Variants in GPC5 observed in about 807,000 individuals in gnomAD.
The protein encoded by GPC5 is glypican-5.
In GPC5, 47 loss-of-function variants were observed where a neutral mutation model predicts 53.9. The ratio of observed to expected loss-of-function variants is 0.87; its 90% confidence interval spans 0.69 to 1.11. The LOEUF (loss-of-function observed/expected upper bound fraction) is 1.11. Among genes scored for constraint, GPC5 ranks in the 50% most tolerant of loss-of-function variants. GPC5 has a pLI of 0.00. For synonymous variants in GPC5, 286 were observed against 263.3 expected, an observed-to-expected ratio of 1.09 and a Z score of -0.84; for missense variants, 748 against 713.1, an observed-to-expected ratio of 1.05 and a Z score of -0.56.
At chr13:92,074,714 T>A (rs542706184) in intron 6 of GPC5, among the ~76,000 whole-genome samples, 2 of 152,176 alleles carry the variant, frequency 1.3e-5, no homozygotes, top group Non-Finnish European at 2.9e-5. Flanking sequence ...TGCAGGAAGG[T>A]ATTTGTAACC....
chr13:92,242,909 TCTTA>T (rs973902171), intron 7 of GPC5, among the ~76,000 whole-genome samples: 4 of 152,210 alleles, frequency 2.6e-5, no homozygotes, highest in Admixed American at 2.0e-4. Flanking sequence ...GTGTCTAATT[TCTTA>T]CTATTATACA....
In GPC5 at chr13:91,715,708, A is replaced by G. The variant is rs73607092; in HGVS notation, c.1021-12824A>G. Among the ~76,000 whole-genome samples the G allele has an allele frequency of 5.3e-3, 785 of 149,400 alleles. 6 individuals carry two copies. The highest frequency in any genetic ancestry group is 0.018 in the African/African-American group (743 of 40,496). On this transcript the variant is annotated intron_variant, in intron 3 of 7. Coordinates refer to ENST00000377067, the MANE Select transcript of GPC5 (RefSeq NM_004466.6). ...ATTTAAATACCACACATGATACCTT[A>G]TCATTTTCAGTTTTTTGTTCATAAA...
intron 7 of GPC5, among the ~76,000 whole-genome samples, chr13:92,864,285 A>C (rs903744107): frequency 7.2e-5 from 11 of 152,150 alleles, no homozygotes; most frequent in African/African-American, 2.7e-4. Context: ...GTAACACCTT[A>C]ATGTAAGATG....
intron 2 of GPC5, among the ~76,000 whole-genome samples, chr13:91,481,141 A>T (rs547199687): frequency 6.6e-6 from 1 of 152,116 alleles, no homozygotes; most frequent in Non-Finnish European, 1.5e-5. Flanking sequence ...TCCTTAGACT[A>T]CATTTGTTTT....
intron 6 of GPC5, among the ~76,000 whole-genome samples, chr13:92,100,228 C>T (rs1020321082): frequency 1.3e-5 from 2 of 152,068 alleles, no homozygotes; most frequent in Non-Finnish European, 2.9e-5. Flanking sequence ...GATGGTGAAA[C>T]CCTGTCTCTC....
chr13:91,996,069 CA>C (rs1331728273), intron 6 of GPC5: 1 of 152,214 alleles, frequency 6.6e-6, no homozygotes, highest in Non-Finnish European at 1.5e-5. Context: ...TTTACAGACT[CA>C]GGGGCAAAAG....
intron 1 of GPC5, among the ~76,000 whole-genome samples, chr13:91,400,067 G>A (rs1876820460): frequency 6.6e-6 from 1 of 152,154 alleles, no homozygotes; most frequent in Non-Finnish European, 1.5e-5. Context: ...CTGTCTGGAA[G>A]AATAGGTCAT....
intron 7 of GPC5, among the ~76,000 whole-genome samples, chr13:92,546,559 G>A (rs1360572730): frequency 6.6e-6 from 1 of 152,156 alleles, no homozygotes; most frequent in Non-Finnish European, 1.5e-5. Context: ...TCATGGGTAG[G>A]AAGAATCAAT....
chr13:92,235,733 A>G (rs184075284), intron 7 of GPC5, among the ~76,000 whole-genome samples: 2 of 152,186 alleles, frequency 1.3e-5, no homozygotes, highest in Admixed American at 6.5e-5. Context: ...AATTACTACC[A>G]GGGACCTTTT....
At chr13:91,908,386 A>G (rs1332656214) in intron 6 of GPC5, among the ~76,000 whole-genome samples, 1 of 152,144 alleles carries the variant, frequency 6.6e-6, no homozygotes, top group Admixed American at 6.6e-5. Flanking sequence ...GAAAACACAT[A>G]TAAGACCATA....
rs143801104 is a variant in GPC5 at position 92,789,972 on chromosome 13, A to G, written c.1562-76310A>G. Among the ~76,000 whole-genome samples the G allele has an allele frequency of 6.1e-3, 935 of 152,232 alleles. 9 individuals are homozygous for G. The highest frequency in any genetic ancestry group is 0.021 in the African/African-American group (889 of 41,562). ...TTGGCAAACCACTGGTGTAAGTCCAAGAGTCCAAAAACTGAAGAACTTGGA... is the reference window on the plus strand; with the variant it reads ...TTGGCAAACCACTGGTGTAAGTCCAGGAGTCCAAAAACTGAAGAACTTGGA... On this transcript the variant is annotated intron_variant, in intron 7 of 7. Transcript: ENST00000377067.
intron 7 of GPC5, among the ~76,000 whole-genome samples, chr13:92,284,693 C>T (rs1019174453): frequency 3.3e-5 from 5 of 152,102 alleles, no homozygotes; most frequent in Admixed American, 2.0e-4. Flanking sequence ...ATTCAACAGC[C>T]CTTCATGCTA....
chr13:91,458,206 C>A (rs1408562483), intron 2 of GPC5, among the ~76,000 whole-genome samples: 1 of 151,986 alleles, frequency 6.6e-6, no homozygotes, highest in Non-Finnish European at 1.5e-5. Flanking sequence ...TGGGCCTCAG[C>A]TGTCAGAGGA....
At chr13:92,127,323 GTA>G (rs892253433) in intron 6 of GPC5, among the ~76,000 whole-genome samples, 4 of 151,118 alleles carry the variant, frequency 2.6e-5, no homozygotes, top group African/African-American at 9.8e-5. Flanking sequence ...ATATATATGT[GTA>G]TGTGTATATA....
At chr13:91,639,725 C>CA (rs2034375169) in intron 2 of GPC5, among the ~76,000 whole-genome samples, 2 of 152,312 alleles carry the variant, frequency 1.3e-5, no homozygotes, top group Admixed American at 1.3e-4. Context: ...TCTCTAGCAA[C>CA]ATATTATGCA....
At chr13:92,169,231 T>C (rs1202710622) in intron 7 of GPC5, among the ~76,000 whole-genome samples, 9 of 152,162 alleles carry the variant, frequency 5.9e-5, no homozygotes, top group Admixed American at 5.9e-4. Context: ...TAATGCATGC[T>C]GGGCTTAATA....
intron 7 of GPC5, among the ~76,000 whole-genome samples, chr13:92,370,102 C>T (rs1416826106): frequency 2.6e-5 from 4 of 152,256 alleles, no homozygotes; most frequent in African/African-American, 9.6e-5. Context: ...TTAAAACAAA[C>T]TCAGAAATAC....
At chr13:91,991,062 C>T (rs2040451789) in intron 6 of GPC5, among the ~76,000 whole-genome samples, 1 of 152,146 alleles carries the variant, frequency 6.6e-6, no homozygotes, top group Non-Finnish European at 1.5e-5. Flanking sequence ...TGTGTGCATT[C>T]ATAGCAAAAG....
intron 2 of GPC5, among the ~76,000 whole-genome samples, chr13:91,541,418 A>G (rs141752468): frequency 4.6e-5 from 7 of 152,268 alleles, no homozygotes; most frequent in African/African-American, 1.7e-4. Context: ...CTCCTTTATT[A>G]TAAACTGCAT....
Sources: allele counts gnomAD v4.1 joint callset (sites outside exome capture counted in the v4.1 genomes callset), GRCh38; gene constraint gnomAD v4.1.1; transcripts MANE v1.5; gene names NCBI Gene and HGNC (gene_info 2026-07-23, HGNC 2026-07-21).